The following KIF26B variants were observed in gnomAD, a reference collection of about 807,000 sequenced individuals.
KIF26B encodes kinesin-like protein KIF26B.
A neutral mutation model predicts 151.2 loss-of-function variants in KIF26B; 63 were observed. That is an observed-to-expected ratio of 0.42 (90% CI 0.34 to 0.51). The LOEUF (loss-of-function observed/expected upper bound fraction) is 0.51. Ranked by LOEUF, KIF26B falls within the 20% of genes least tolerant of loss-of-function variation. KIF26B has a pLI of 0.07. For missense variants in KIF26B, 2,813 were observed against 2,913.6 expected (o/e 0.97, Z 0.79); for synonymous variants, 1,357 against 1,262.1 (o/e 1.08, Z -1.59).
At chr1:245,517,864 A>G (rs911092157) in intron 4 of KIF26B, among the ~76,000 whole-genome samples, 1 of 145,960 alleles carries the variant, frequency 6.9e-6, no homozygotes, top group Admixed American at 7.1e-5. Context: ...GAATGGTGTC[A>G]TGTAATTTTT....
chr1:245,342,052 G>A (rs556355900), intron 2 of KIF26B, among the ~76,000 whole-genome samples: 3 of 152,182 alleles, frequency 2.0e-5, no homozygotes, highest in African/African-American at 4.8e-5. Flanking sequence ...CCGTAAACCA[G>A]AAATTGTGCT....
intron 4 of KIF26B, among the ~76,000 whole-genome samples, chr1:245,423,083 G>A (rs1375299697): frequency 7.2e-6 from 1 of 138,470 alleles, no homozygotes; most frequent in Non-Finnish European, 1.5e-5. Context: ...GGGTGACAGA[G>A]TTGGACTCAG....
intron 10 of KIF26B, among the ~76,000 whole-genome samples, chr1:245,652,794 C>A (rs6659595): frequency 0.35 from 53,016 of 152,050 alleles, 10,100 homozygotes; most frequent in Middle Eastern, 0.47. Flanking sequence ...GAATTGGGAA[C>A]AGAATATCAG....
chr1:245,345,829 G>A (rs1672442519), intron 2 of KIF26B, among the ~76,000 whole-genome samples: 1 of 152,082 alleles, frequency 6.6e-6, no homozygotes, highest in South Asian at 2.1e-4. Flanking sequence ...CTCCCCAGAA[G>A]CAGATGCCAC....
At chr1:245,586,158 AGTGTGTGTGTGTGTGTGTGTGTGT>A (rs10526699) in intron 5 of KIF26B, among the ~76,000 whole-genome samples, 5 of 142,090 alleles carry the variant, frequency 3.5e-5, no homozygotes, top group African/African-American at 5.2e-5. Flanking sequence ...CACCATGACC[AGTGTGTGTGTGTGTGTGTGTGTGT>A]GTGTGTGTGT....
chr1:245,412,052 A>T (rs544984), intron 3 of KIF26B, among the ~76,000 whole-genome samples: 73,107 of 151,768 alleles, frequency 0.48, 18,288 homozygotes, highest in South Asian at 0.63. Context: ...ACAGAAATGT[A>T]TTCTGGCATA....
intron 2 of KIF26B, among the ~76,000 whole-genome samples, chr1:245,268,236 G>T (rs1023143278): frequency 6.6e-6 from 1 of 151,908 alleles, no homozygotes; most frequent in South Asian, 2.1e-4. Context: ...TTGGGAAGCC[G>T]GGCCAGGTGG....
chr1:245,505,274 C>T (rs1323324163), intron 4 of KIF26B, among the ~76,000 whole-genome samples: 1 of 151,306 alleles, frequency 6.6e-6, no homozygotes, highest in African/African-American at 2.4e-5. Context: ...AATAGGTATA[C>T]ACAGGGCCTG....
chr1:245,666,600 G>A (rs1395904676), intron 10 of KIF26B, among the ~76,000 whole-genome samples: 3 of 152,100 alleles, frequency 2.0e-5, no homozygotes, highest in African/African-American at 7.2e-5. Flanking sequence ...ATGAGGATGG[G>A]ACAGGTTTAG....
chr1:245,327,035 G>A (rs1371666452), intron 2 of KIF26B, among the ~76,000 whole-genome samples: 3 of 152,128 alleles, frequency 2.0e-5, no homozygotes, highest in Non-Finnish European at 2.9e-5. Context: ...AATTATTCCA[G>A]GTTCAGCAAT....
chr1:245,277,322 G>C (rs1026976446), intron 2 of KIF26B, among the ~76,000 whole-genome samples: 2 of 152,186 alleles, frequency 1.3e-5, no homozygotes, highest in African/African-American at 4.8e-5. Context: ...GACCTTTATT[G>C]GTCAATAGCC....
chr1:245,184,050 G>GTTTTTTTTTTTTTTTTT (rs758993117), intron 2 of KIF26B, among the ~76,000 whole-genome samples: 288 of 19,744 alleles, frequency 0.015, 84 homozygotes, highest in East Asian at 0.054. Context: ...GGGAGTTGTT[G>GTTTTTTTTTTTTTTTTT]TTTTTTTTTT....
chr1:245,192,175 A>G (rs1187072265), intron 2 of KIF26B, among the ~76,000 whole-genome samples: 1 of 152,222 alleles, frequency 6.6e-6, no homozygotes. Context: ...TACAGAAATT[A>G]TGATCAATCT....
At chr1:245,575,615 A>G (rs2043111212) in intron 5 of KIF26B, among the ~76,000 whole-genome samples, 1 of 152,174 alleles carries the variant, frequency 6.6e-6, no homozygotes, top group Non-Finnish European at 1.5e-5. Flanking sequence ...TGCTGACTGC[A>G]CTAACTTCTG....
chr1:245,699,046 G>T lies in KIF26B; in HGVS notation c.6178+9G>T, dbSNP rs149164663. On this transcript the variant is annotated intron_variant, in intron 14 of 14. Coordinates refer to ENST00000407071, the MANE Select transcript of KIF26B (RefSeq NM_018012.4). The stretch of plus-strand genomic sequence containing the variant: ...CAAGTGGCTCAGTGAATGTAAGGCC[G>T]GGGTGCCTTCCCACCCTTGTGACTA... 6.2e-7 allele frequency: 1 copy of T among 1,611,954 alleles called. No homozygotes were observed. The highest frequency in any genetic ancestry group is 8.5e-7 in the Non-Finnish European group (1 of 1,178,686).
intron 12 of KIF26B, among the ~76,000 whole-genome samples, chr1:245,692,134 G>A (rs995272476): frequency 3.3e-5 from 5 of 152,222 alleles, no homozygotes; most frequent in African/African-American, 1.2e-4. Context: ...AGAGCAATCT[G>A]TAGTCAGTGG....
intron 2 of KIF26B, among the ~76,000 whole-genome samples, chr1:245,356,033 A>G (rs1656161759): frequency 6.6e-6 from 1 of 152,084 alleles, no homozygotes. Flanking sequence ...CTCCCCAGAG[A>G]TTCTGATACA....
rs1670213322 is a variant in KIF26B at position 245,241,721 on chromosome 1, C to T, written c.465+85038C>T. The stretch of plus-strand genomic sequence containing the variant: ...CCCCGTCCAGGGCCCATGGCAGCCC[C>T]AGCTGGCTGCCCGCTCCCTCCTGTG... On this transcript the variant is annotated intron_variant, in intron 2 of 14. Coordinates refer to ENST00000407071, the MANE Select transcript of KIF26B (RefSeq NM_018012.4). This position sits in a 1 kb window ranked among gnomAD's most constrained non-coding sequence, Gnocchi z 5.0. 6.6e-6 allele frequency among the ~76,000 whole-genome samples: 1 copy of T among 152,214 alleles called. No homozygotes were observed. Among genetic ancestry groups the T allele is most frequent in the African/African-American group, 2.4e-5 (1 of 41,464 alleles).
chr1:245,473,041 G>A (rs1434974750), intron 4 of KIF26B, among the ~76,000 whole-genome samples: 1 of 152,188 alleles, frequency 6.6e-6, no homozygotes, highest in African/African-American at 2.4e-5. Flanking sequence ...TCTCTGTCTC[G>A]TGCAACTTAC....
Sources: allele counts gnomAD v4.1 joint callset (sites outside exome capture counted in the v4.1 genomes callset), GRCh38; gene constraint gnomAD v4.1.1; non-coding constraint Gnocchi (gnomAD v3.1); transcripts MANE v1.5; gene names NCBI Gene and HGNC (gene_info 2026-07-23, HGNC 2026-07-21).